Variants in ARID4B observed in about 807,000 individuals in gnomAD.
ARID4B encodes AT-rich interaction domain 4B, also known as AT-rich interactive domain-containing protein 4B.
Under a neutral mutation model 147.5 loss-of-function variants are expected in ARID4B, and 26 were observed. The ratio of observed to expected loss-of-function variants is 0.18; its 90% CI spans 0.13 to 0.24. The LOEUF is 0.24. Ranked by LOEUF, ARID4B falls within the 10% of genes least tolerant of loss-of-function variation. The probability of loss-of-function intolerance (pLI) is 1.00; values close to 1 mark genes in which losing one functional copy is unlikely to be tolerated. For synonymous variants in ARID4B, 512 were observed against 507.9 expected (o/e 1.01, Z -0.11); for missense variants, 1,179 against 1,511.5 (o/e 0.78, Z 3.65).
chr1:235,224,559 T>A, intron 12 of ARID4B, 144 bp downstream of exon 12: 1 of 644,104 alleles, frequency 1.6e-6, no homozygotes, highest in Non-Finnish European at 2.8e-6. Context: ...GGCGCTATGC[T>A]AGGTGCTGGT....
intron 2 of ARID4B, among the ~76,000 whole-genome samples, chr1:235,314,340 A>G (rs1237085531): frequency 6.6e-6 from 1 of 152,196 alleles, no homozygotes; most frequent in Non-Finnish European, 1.5e-5. Flanking sequence ...TAAATATGGT[A>G]TTTCATTTCA....
intron 2 of ARID4B, among the ~76,000 whole-genome samples, chr1:235,295,314 G>A (rs892066783): frequency 4.0e-5 from 6 of 151,278 alleles, no homozygotes; most frequent in Non-Finnish European, 7.4e-5. Context: ...GTTCGAGACC[G>A]GCCTGGCCAA....
intron 5 of ARID4B, among the ~76,000 whole-genome samples, chr1:235,255,266 T>G (rs57313912): frequency 0.046 from 1,946 of 42,656 alleles, 38 homozygotes; most frequent in African/African-American, 0.075. Context: ...TAGATAGATA[T>G]ATATCTCTCT....
At chr1:235,279,006 G>A (rs1199574781) in intron 2 of ARID4B, among the ~76,000 whole-genome samples, 2 of 151,960 alleles carry the variant, frequency 1.3e-5, no homozygotes, top group Non-Finnish European at 2.9e-5. Context: ...CCACCTCCCA[G>A]GCTGAAGTGG....
intron 7 of ARID4B, 94 bp from the exon 8 acceptor site, chr1:235,240,545 T>C (rs1668915887): frequency 1.7e-6 from 2 of 1,189,262 alleles, no homozygotes; most frequent in Non-Finnish European, 1.2e-6. Context: ...TCTTATTACA[T>C]TTCCTAAGAC....
intron 2 of ARID4B, among the ~76,000 whole-genome samples, chr1:235,300,279 G>A (rs2103242851): frequency 6.6e-6 from 1 of 152,136 alleles, no homozygotes; most frequent in East Asian, 1.9e-4. Context: ...TAGCCAGGTG[G>A]GGTGGCGGGT....
intron 2 of ARID4B, among the ~76,000 whole-genome samples, chr1:235,266,008 T>C (rs1175224477): frequency 6.6e-6 from 1 of 152,120 alleles, no homozygotes; most frequent in South Asian, 2.1e-4. Context: ...CCCACATAAA[T>C]AGAGCAGATG....
chr1:235,309,421 G>A (rs1212154498), intron 2 of ARID4B, among the ~76,000 whole-genome samples: 2 of 147,766 alleles, frequency 1.4e-5, no homozygotes, highest in Admixed American at 1.3e-4. Context: ...CGGGAGGGAG[G>A]TGGGGGGGTC....
At chr1:235,210,512 A>G (rs1170027793) in intron 17 of ARID4B, among the ~76,000 whole-genome samples, 1 of 151,820 alleles carries the variant, frequency 6.6e-6, no homozygotes, top group African/African-American at 2.4e-5. Context: ...GAGCCGCAAA[A>G]ATAAAAATTA....
At chr1:235,170,924 A>C (rs1257583651) in intron 23 of ARID4B, among the ~76,000 whole-genome samples, 8 of 150,988 alleles carry the variant, frequency 5.3e-5, no homozygotes, top group Admixed American at 3.3e-4. Context: ...AAAAAAAAAA[A>C]AAAAAAAAAA....
At chr1:235,218,680 C>T (rs1021906627) in intron 16 of ARID4B, among the ~76,000 whole-genome samples, 3 of 152,092 alleles carry the variant, frequency 2.0e-5, no homozygotes, top group Non-Finnish European at 4.4e-5. Flanking sequence ...GAAATCTTTA[C>T]TGTTTCTTAA....
In ARID4B at chr1:235,260,498, C is replaced by CA. The variant is rs1670226871; in HGVS notation, c.117+143dup. 3 of 542,892 alleles carry CA rather than the reference C, an allele frequency of 5.5e-6. No homozygotes were observed. The East Asian group carries it at 9.6e-5, about 17-fold the overall frequency. 33.6% of individuals were successfully genotyped at this position (542,892 alleles called of 1,614,324 possible). ...TCCAATTATAATACTTTTAAAATAACAAAAAATGCTTTGTTTTGAGGTATT... is the reference window on the plus strand; with the variant it reads ...TCCAATTATAATACTTTTAAAATAACAAAAAAATGCTTTGTTTTGAGGTATT... On this transcript the variant is annotated intron_variant, in intron 3 of 23. Transcript: ENST00000264183.
At chr1:235,221,995 G>C (rs1667506210) in intron 13 of ARID4B, among the ~76,000 whole-genome samples, 1 of 135,244 alleles carries the variant, frequency 7.4e-6, no homozygotes, top group African/African-American at 2.8e-5. Flanking sequence ...CTGCAGCCCT[G>C]AACTTCCGGG....
intron 19 of ARID4B, among the ~76,000 whole-genome samples, chr1:235,185,760 C>T (rs547273182): frequency 6.6e-6 from 1 of 152,310 alleles, no homozygotes; most frequent in East Asian, 1.9e-4. Flanking sequence ...AGTTCTGAAT[C>T]CTTCCGAATG....
At chr1:235,268,415 G>A (rs1358795799) in intron 2 of ARID4B, among the ~76,000 whole-genome samples, 3 of 152,074 alleles carry the variant, frequency 2.0e-5, no homozygotes, top group Admixed American at 1.3e-4. Flanking sequence ...ACTTCTAGGT[G>A]TGCGTGTGTG....
intron 22 of ARID4B, among the ~76,000 whole-genome samples, chr1:235,173,771 A>AATATATATAT (rs1169414831): frequency 8.0e-4 from 26 of 32,352 alleles, no homozygotes; most frequent in Non-Finnish European, 1.1e-3. Flanking sequence ...AAAAAAAAAA[A>AATATATATAT]ATATATATAT....
chr1:235,286,475 T>C (rs1258022488), intron 2 of ARID4B, among the ~76,000 whole-genome samples: 1 of 152,236 alleles, frequency 6.6e-6, no homozygotes, highest in Non-Finnish European at 1.5e-5. Context: ...TGAAGTTAAC[T>C]ACTATGGTCA....
At chr1:235,180,934 T>C (rs1664270868) in intron 20 of ARID4B, 1 of 185,550 alleles carries the variant, frequency 5.4e-6, no homozygotes, top group East Asian at 1.4e-4. Context: ...TTTGGGAAGG[T>C]ACCGATTTGA....
chr1:235,248,061 T>C (rs956875157), intron 6 of ARID4B, among the ~76,000 whole-genome samples: 1 of 152,088 alleles, frequency 6.6e-6, no homozygotes, highest in Non-Finnish European at 1.5e-5. Flanking sequence ...AGAAACTATT[T>C]TTATTGAGAC....
Sources: gnomAD v4.1 joint callset for allele counts (sites outside exome capture counted in the v4.1 genomes callset) on GRCh38, gnomAD v4.1.1 for gene constraint, MANE v1.5 for transcripts, NCBI Gene and HGNC (gene_info 2026-07-23, HGNC 2026-07-21) for gene names.